Variants in ARMC2 observed in about 807,000 individuals in gnomAD.
ARMC2 encodes armadillo repeat containing 2.
A neutral mutation model predicts 90.3 loss-of-function variants in ARMC2; 67 were observed. That is an observed-to-expected ratio of 0.74 (90% confidence interval 0.61 to 0.91). ARMC2 has a LOEUF of 0.91. Among genes scored for constraint, ARMC2 ranks in the 40% least tolerant of loss-of-function variants. ARMC2 has a pLI of 0.00. For missense variants in ARMC2, 920 were observed against 1,030.9 expected, an observed-to-expected ratio of 0.89 and a Z score of 1.47; for synonymous variants, 393 against 393.0, an observed-to-expected ratio of 1.00 and a Z score of 0.00.
At chr6:108,971,068 C>T (rs77195125) in intron 17 of ARMC2, among the ~76,000 whole-genome samples, 1 of 151,762 alleles carries the variant, frequency 6.6e-6, no homozygotes. Context: ...ACTAAAAACA[C>T]AAAAAATTAG....
intron 3 of ARMC2, among the ~76,000 whole-genome samples, chr6:108,866,030 A>G (rs1775783347): frequency 6.6e-6 from 1 of 151,700 alleles, no homozygotes. Flanking sequence ...AAAAAAAAAA[A>G]AAAAAAAAGA....
chr6:108,865,098 T>A (rs1011201396), intron 3 of ARMC2, among the ~76,000 whole-genome samples: 1 of 150,248 alleles, frequency 6.7e-6, no homozygotes, highest in African/African-American at 2.4e-5. Context: ...TTCTCCTGCC[T>A]CAGCCTCTTG....
the ARMC2 span, among the ~76,000 whole-genome samples, chr6:109,030,926 C>G: frequency 6.6e-6 from 1 of 152,220 alleles, no homozygotes; most frequent in East Asian, 1.9e-4. Context: ...CCTTTCCTTT[C>G]CACTACTCAA....
At chr6:109,016,875 T>A in the ARMC2 span, among the ~76,000 whole-genome samples, 1 of 152,194 alleles carries the variant, frequency 6.6e-6, no homozygotes, top group African/African-American at 2.4e-5. Flanking sequence ...CATTTTTATT[T>A]TCTGGCAAAT....
At chr6:108,884,748 G>A (rs1345859828) in intron 5 of ARMC2, among the ~76,000 whole-genome samples, 3 of 152,192 alleles carry the variant, frequency 2.0e-5, no homozygotes, top group Non-Finnish European at 4.4e-5. Context: ...TTTAAATAAA[G>A]GTGCACCACT....
intron 8 of ARMC2, 115 bp downstream of exon 8, chr6:108,904,520 T>G: frequency 1.9e-6 from 2 of 1,080,864 alleles, no homozygotes; most frequent in Non-Finnish European, 2.5e-6. Context: ...GTTTAGAATC[T>G]TGGAAAAAAA....
At chr6:109,012,220 T>G in the ARMC2 span, among the ~76,000 whole-genome samples, 3 of 152,098 alleles carry the variant, frequency 2.0e-5, no homozygotes, top group Non-Finnish European at 4.4e-5. Flanking sequence ...AAGTCTGCTA[T>G]TTAAACATTT....
intron 11 of ARMC2, among the ~76,000 whole-genome samples, chr6:108,928,702 A>G (rs1265759764): frequency 6.6e-6 from 1 of 152,192 alleles, no homozygotes; most frequent in South Asian, 2.1e-4. Context: ...TCAAGTCTAC[A>G]CTTACTTTAT....
At chr6:108,897,892 TA>T in intron 6 of ARMC2, among the ~76,000 whole-genome samples, 1 of 152,300 alleles carries the variant, frequency 6.6e-6, no homozygotes, top group South Asian at 2.1e-4. Flanking sequence ...ATATTAATAT[TA>T]AAAAATATTA....
chr6:108,874,607 GTC>G (rs1182145066), intron 4 of ARMC2, among the ~76,000 whole-genome samples: 24 of 152,264 alleles, frequency 1.6e-4, no homozygotes, highest in African/African-American at 4.8e-4. Context: ...CACCATGTAA[GTC>G]ACTTTACTAG....
chr6:108,945,727 C>G (rs1776759175), intron 12 of ARMC2, among the ~76,000 whole-genome samples: 1 of 152,260 alleles, frequency 6.6e-6, no homozygotes, highest in South Asian at 2.1e-4. Context: ...GAAATGAGAG[C>G]TGGAATGTCT....
intron 4 of ARMC2, among the ~76,000 whole-genome samples, chr6:108,870,537 T>TAGGA (rs200237913): frequency 1.6e-5 from 2 of 123,448 alleles, no homozygotes; most frequent in South Asian, 2.5e-4. Flanking sequence ...GAAAGGAAGG[T>TAGGA]AGGAAGGAAG....
At chr6:108,945,251 C>T (rs1776724132) in intron 12 of ARMC2, among the ~76,000 whole-genome samples, 1 of 152,086 alleles carries the variant, frequency 6.6e-6, no homozygotes. Flanking sequence ...CCTCTGACGT[C>T]AGTGTTGCTA....
the ARMC2 span, chr6:109,009,047 T>C: frequency 2.1e-6 from 2 of 972,874 alleles, no homozygotes; most frequent in Non-Finnish European, 2.5e-6. Flanking sequence ...CAGACGACAA[T>C]GTTATTTACG....
At position 108,911,318 on chromosome 6, in the gene ARMC2, A is replaced by G. The variant is rs149239604; in HGVS notation, c.1126+317A>G. 1.4e-4 allele frequency among the ~76,000 whole-genome samples: 22 copies of G among 152,316 alleles called. 1 individual carries two copies. The East Asian group carries it at 3.3e-3, about 23-fold the overall frequency. On this transcript the variant is annotated intron_variant, in intron 9 of 17. Coordinates refer to ENST00000392644, the MANE Select transcript of ARMC2 (RefSeq NM_032131.6). Reference sequence around the variant, plus strand: ...AAATGCATTTAATAGTATTTGACATAGTTGAAAATTTTAGTCTTTTAATAT... The same window carrying G: ...AAATGCATTTAATAGTATTTGACATGGTTGAAAATTTTAGTCTTTTAATAT...
At chr6:109,017,023 T>C in the ARMC2 span, among the ~76,000 whole-genome samples, 10 of 152,106 alleles carry the variant, frequency 6.6e-5, no homozygotes, top group South Asian at 1.2e-3. Flanking sequence ...TATTATTTTA[T>C]ATATTTTATA....
intron 5 of ARMC2, among the ~76,000 whole-genome samples, chr6:108,887,161 C>T (rs1308336853): frequency 3.9e-5 from 6 of 152,174 alleles, no homozygotes; most frequent in African/African-American, 1.4e-4. Flanking sequence ...ATCTGCCTTC[C>T]TAAGCCTCCC....
chr6:108,872,141 G>A (rs1171193058), intron 4 of ARMC2, among the ~76,000 whole-genome samples: 1 of 152,218 alleles, frequency 6.6e-6, no homozygotes, highest in African/African-American at 2.4e-5. Context: ...TTTGTTTGCT[G>A]TGAAGTCATT....
intron 12 of ARMC2, among the ~76,000 whole-genome samples, chr6:108,938,741 G>T (rs1725107450): frequency 6.6e-6 from 1 of 151,124 alleles, no homozygotes; most frequent in South Asian, 2.1e-4. Context: ...TTGATTTCAA[G>T]TTATGTTATA....
Sources: gnomAD v4.1 joint callset for allele counts (sites outside exome capture counted in the v4.1 genomes callset) on GRCh38, gnomAD v4.1.1 for gene constraint, MANE v1.5 for transcripts, NCBI Gene and HGNC (gene_info 2026-07-23, HGNC 2026-07-21) for gene names.